The following COPS3 variants were observed in gnomAD, a reference collection of about 807,000 sequenced individuals.
COPS3 encodes COP9 signalosome subunit 3.
Under a neutral mutation model 58.2 loss-of-function variants are expected in COPS3, and 10 were observed. That is an observed-to-expected ratio of 0.17 (90% CI 0.11 to 0.29). The LOEUF is 0.29. COPS3 is among the 10% of genes least tolerant of loss of function. COPS3 has a pLI of 1.00. For missense variants in COPS3, 333 were observed against 510.1 expected (o/e 0.65, Z 3.34); for synonymous variants, 187 against 181.7 (o/e 1.03, Z -0.24).
chr17:17,275,022 A>G (rs1597702516), intron 2 of COPS3, among the ~76,000 whole-genome samples: 1 of 151,134 alleles, frequency 6.6e-6, no homozygotes, highest in African/African-American at 2.4e-5. Context: ...GCTGCTGCCC[A>G]CCTCCAGCCA....
Position 17,254,887 on chromosome 17 carries a change from T to C in COPS3, c.995A>G (p.Gln332Arg), listed in dbSNP as rs201153360. The change falls in exon 9 of 12, where the codon CAG (glutamine) becomes CGG (arginine). Residue 332 changes from glutamine (Q) to arginine (R), a missense_variant. Transcript: ENST00000268717. ...MASRVQLSGP[Q>R]EAEKYVLHMI... ...GTGCAGAACGTATTTCTCTGCCTCC[T>C]GAGGTCCAGACAACTGCACACGACT... 9.5e-5 allele frequency: 153 copies of C among 1,611,986 alleles called. 1 individual carries two copies. The highest frequency in any genetic ancestry group is 5.1e-6 in the Non-Finnish European group (6 of 1,178,826).
intron 6 of COPS3, among the ~76,000 whole-genome samples, chr17:17,262,373 T>G (rs557239126): frequency 1.3e-5 from 2 of 152,304 alleles, no homozygotes; most frequent in African/African-American, 4.8e-5. Flanking sequence ...GCAATCTTCC[T>G]GCCTCAGCCT....
intron 6 of COPS3, 76 bp downstream of exon 6, chr17:17,264,726 T>C (rs1290539805): frequency 1.5e-6 from 2 of 1,306,236 alleles, no homozygotes; most frequent in Non-Finnish European, 2.1e-6. Flanking sequence ...CAGACCACTC[T>C]AGCCACAAAC....
intron 4 of COPS3, 68 bp from the exon 5 acceptor site, chr17:17,268,045 A>G: frequency 6.4e-7 from 1 of 1,555,714 alleles, no homozygotes; most frequent in South Asian, 1.2e-5. Context: ...TTATGTTGTC[A>G]CTTATAAATA....
intron 5 of COPS3, 84 bp downstream of exon 5, chr17:17,267,801 G>T: frequency 1.4e-6 from 2 of 1,390,494 alleles, no homozygotes; most frequent in Non-Finnish European, 2.0e-6. Context: ...CAACTTGCCT[G>T]TGTTTATCAA....
At chr17:17,253,822 G>T (rs2047901784) in intron 9 of COPS3, among the ~76,000 whole-genome samples, 1 of 152,000 alleles carries the variant, frequency 6.6e-6, no homozygotes, top group East Asian at 1.9e-4. Context: ...AGGGTTATGA[G>T]GTTTACAAAA....
At chr17:17,249,108 G>C in intron 9 of COPS3, 69 bp from the exon 10 acceptor site, 1 of 811,988 alleles carries the variant, frequency 1.2e-6, no homozygotes, top group East Asian at 2.5e-5. Flanking sequence ...TAGTCATCCA[G>C]TATAATCACA....
intron 1 of COPS3, among the ~76,000 whole-genome samples, chr17:17,276,639 G>T: frequency 6.6e-6 from 1 of 151,240 alleles, no homozygotes. Flanking sequence ...CGCAATCTCG[G>T]TTCACTACAA....
At chr17:17,266,777 C>T (rs2048231829) in intron 5 of COPS3, among the ~76,000 whole-genome samples, 1 of 149,596 alleles carries the variant, frequency 6.7e-6, no homozygotes, top group South Asian at 2.1e-4. Context: ...CCAGCCTGGG[C>T]AACAGAGCAA....
At chr17:17,249,098 T>G in intron 9 of COPS3, 59 bp from the exon 10 acceptor site, 1 of 884,956 alleles carries the variant, frequency 1.1e-6, no homozygotes, top group South Asian at 1.5e-5. Flanking sequence ...GCTATATGAA[T>G]AGTCATCCAG....
At chr17:17,249,620 G>C (rs537434778) in intron 9 of COPS3, among the ~76,000 whole-genome samples, 2 of 152,254 alleles carry the variant, frequency 1.3e-5, no homozygotes, top group Admixed American at 6.5e-5. Flanking sequence ...AGCCTCCTAA[G>C]TAGCTAGCAT....
At chr17:17,280,615 G>A (rs371994435) in intron 1 of COPS3, 1 of 1,302,640 alleles carries the variant, frequency 7.7e-7, no homozygotes, top group African/African-American at 1.5e-5. Context: ...CAAAATAGGC[G>A]CACAGGTTCC....
At chr17:17,276,313 G>A (rs1555621610) in intron 1 of COPS3, 149 bp from the exon 2 acceptor site, 3 of 991,268 alleles carry the variant, frequency 3.0e-6, no homozygotes, top group Non-Finnish European at 4.4e-6. Context: ...AGAAGGACCA[G>A]AGGAGTGAAA....
In COPS3 at chr17:17,281,200, C is replaced by A. The variant is rs2048578781; in HGVS notation, c.-14G>T. The A allele has an allele frequency of 6.2e-7, 1 of 1,607,094 alleles. No individual in the cohort carries two copies. The highest frequency in any genetic ancestry group is 8.5e-7 in the Non-Finnish European group (1 of 1,177,156). On this transcript the variant is annotated 5_prime_UTR_variant, in exon 1 of 12. Transcript: ENST00000268717. ...GGCAGACGCCATGTTTTCCCCCGGG[C>A]GGCCCGAGCGGCGAAGGCAGCACGC...
intron 2 of COPS3, among the ~76,000 whole-genome samples, chr17:17,272,987 A>C (rs904041971): frequency 1.3e-5 from 2 of 152,254 alleles, no homozygotes; most frequent in African/African-American, 4.8e-5. Flanking sequence ...ACCAAATTAA[A>C]TAGACCTTAT....
intron 8 of COPS3, 40 bp from the exon 9 acceptor site, chr17:17,254,985 C>T (rs763029572): frequency 7.2e-6 from 10 of 1,390,966 alleles, no homozygotes; most frequent in Middle Eastern, 1.8e-4. Flanking sequence ...GTAGGAACAA[C>T]GAAGGAAGGA....
rs747269198 is a variant in COPS3, at chr17:17,264,889, T to C, written c.534A>G (p.Ala178=). 6.2e-7 allele frequency: 1 copy of C among 1,613,884 alleles called. No homozygotes were observed. Among genetic ancestry groups the C allele is most frequent in the South Asian group, 1.1e-5 (1 of 91,076 alleles). Residue 178 remains alanine (A), a synonymous_variant, in exon 6 of 12, where the codon GCA becomes GCG. Transcript: ENST00000268717. ...AATAATAGTAACATAAAAAGTGTTT[T>C]GCATCATAGGCTCCATTCTCTTTAC... ...DICKENGAYD[A]KHFLCYYYYG... is the part of the protein sequence containing the mutation.
At chr17:17,281,085 A>C (rs2012954) in intron 1 of COPS3, 47 bp downstream of exon 1, 1,074,620 of 1,581,038 alleles carry the variant, frequency 0.68, 366,692 homozygotes, top group East Asian at 0.83. Context: ...GATCCAGGCC[A>C]GTTCCCGGTA....
At chr17:17,254,668 G>A (rs577619702) in intron 9 of COPS3, among the ~76,000 whole-genome samples, 191 bp downstream of exon 9, 10 of 151,760 alleles carry the variant, frequency 6.6e-5, no homozygotes, top group South Asian at 2.1e-4. Flanking sequence ...AAATTTAGCC[G>A]GGCATGGTGG....
Sources: allele counts gnomAD v4.1 joint callset (sites outside exome capture counted in the v4.1 genomes callset), GRCh38; gene constraint gnomAD v4.1.1; transcripts MANE v1.5; gene names NCBI Gene and HGNC (gene_info 2026-07-23, HGNC 2026-07-21).